The following VSTM4 variants were observed in gnomAD, a reference collection of about 807,000 sequenced individuals.
VSTM4 encodes V-set and transmembrane domain-containing protein 4.
In VSTM4, 20 loss-of-function variants were observed where a neutral mutation model predicts 36.4. That is an observed-to-expected ratio of 0.55 (90% CI 0.39 to 0.80). The LOEUF (loss-of-function observed/expected upper bound fraction) is 0.80. VSTM4 is among the 30% of genes least tolerant of loss of function. VSTM4 has a pLI of 0.00. For synonymous variants in VSTM4, 182 were observed against 173.9 expected (o/e 1.05, Z -0.37); for missense variants, 392 against 404.5 (o/e 0.97, Z 0.26).
At chr10:49,100,590 A>C (rs1844649090) in intron 2 of VSTM4, among the ~76,000 whole-genome samples, 3 of 152,186 alleles carry the variant, frequency 2.0e-5, no homozygotes, top group African/African-American at 7.2e-5. Context: ...TTTAAAAAAA[A>C]AACCCTGACT....
At chr10:49,070,252 CAA>C (rs780515012) in intron 4 of VSTM4, among the ~76,000 whole-genome samples, 322 of 21,672 alleles carry the variant, frequency 0.015, 10 homozygotes, top group African/African-American at 0.069. Flanking sequence ...GACTCCGTCT[CAA>C]AAAAAAAAAA....
At position 49,030,366 on chromosome 10, in the gene VSTM4, G is replaced by A. The variant is rs574807748; in HGVS notation, c.838-10591C>T. Among the ~76,000 whole-genome samples, 34 of 152,206 alleles carry A rather than the reference G, an allele frequency of 2.2e-4. No homozygotes were observed. The East Asian group carries it at 6.2e-3, about 28-fold the overall frequency. On this transcript the variant is annotated intron_variant, in intron 7 of 7. Coordinates refer to ENST00000332853, the MANE Select transcript of VSTM4 (RefSeq NM_001031746.5). ...TGACTTAGGTGTGCCTTGACCCAGG[G>A]TCCAGAGACACATGGGGCCTAGGCA... is the stretch of plus-strand genomic sequence containing the variant.
intron 2 of VSTM4, chr10:49,102,548 G>A (rs1444698786): frequency 2.0e-6 from 2 of 985,328 alleles, no homozygotes; most frequent in Non-Finnish European, 2.4e-6. Context: ...GCTACAAGAT[G>A]TTGCCAGTGG....
At chr10:49,114,338 T>A (rs1844950013) in intron 1 of VSTM4, among the ~76,000 whole-genome samples, 1 of 152,208 alleles carries the variant, frequency 6.6e-6, no homozygotes, top group Admixed American at 6.5e-5. Context: ...GGTAGCCAGA[T>A]CACTCTTGGA....
chr10:49,095,170 G>A (rs1170175156), intron 2 of VSTM4, among the ~76,000 whole-genome samples: 2 of 152,140 alleles, frequency 1.3e-5, no homozygotes, highest in East Asian at 3.9e-4. Flanking sequence ...CTATCTTTAT[G>A]TCCCCAATGA....
At chr10:49,020,364 G>C (rs1271997928) in intron 7 of VSTM4, among the ~76,000 whole-genome samples, 1 of 151,828 alleles carries the variant, frequency 6.6e-6, no homozygotes, top group Non-Finnish European at 1.5e-5. Context: ...TCCAACTCAA[G>C]CAGTTAGAAA....
intron 7 of VSTM4, among the ~76,000 whole-genome samples, chr10:49,038,615 C>T (rs894702979): frequency 9.2e-5 from 14 of 152,130 alleles, no homozygotes; most frequent in Non-Finnish European, 1.5e-4. Context: ...TATTTTACCA[C>T]GATTTAGCTT....
intron 7 of VSTM4, among the ~76,000 whole-genome samples, chr10:49,044,258 G>A (rs991385430): frequency 6.6e-6 from 1 of 152,086 alleles, no homozygotes; most frequent in East Asian, 1.9e-4. Context: ...AACCAGGGAG[G>A]TGGAGGCTGC....
chr10:49,037,630 G>A (rs747951300), intron 7 of VSTM4, among the ~76,000 whole-genome samples: 21 of 152,142 alleles, frequency 1.4e-4, no homozygotes, highest in South Asian at 6.2e-4. Flanking sequence ...TAAAGCTTCT[G>A]GGAATCAAGG....
intron 5 of VSTM4, among the ~76,000 whole-genome samples, chr10:49,057,764 C>T (rs1228415151): frequency 6.6e-6 from 1 of 152,168 alleles, no homozygotes; most frequent in African/African-American, 2.4e-5. Flanking sequence ...CCATCCTCAC[C>T]ACCTTGCTTG....
intron 7 of VSTM4, among the ~76,000 whole-genome samples, chr10:49,023,164 T>C (rs906382141): frequency 6.6e-6 from 1 of 152,232 alleles, no homozygotes; most frequent in Non-Finnish European, 1.5e-5. Context: ...AATAATTTGA[T>C]TGAAGATACG....
chr10:49,046,252 AG>A (rs1661914418), intron 7 of VSTM4, among the ~76,000 whole-genome samples: 1 of 152,216 alleles, frequency 6.6e-6, no homozygotes, highest in Admixed American at 6.5e-5. Flanking sequence ...AAAACCTCAG[AG>A]AGTACCAAAT....
chr10:49,048,537 G>T lies in VSTM4; in HGVS notation c.716C>A (p.Pro239His). Residue 239 changes from proline to histidine, a missense_variant, in exon 6 of 8, where the codon CCC (proline) becomes CAC (histidine). Physicochemically the swap from Pro to His is moderately conservative, Grantham distance 77. Coordinates refer to ENST00000332853, the MANE Select transcript of VSTM4 (RefSeq NM_001031746.5). ...CTCCTTCTGCCTCTTGCCCTTCTTG[G>T]GCTGTAGTGGGGCCAAGCTGGTCAC... ...TSVTSLAPLQ[P>H]KKGKRQKEKP... 1 of 1,598,658 alleles carries T rather than the reference G, an allele frequency of 6.3e-7. No individual in the cohort carries two copies. The highest frequency in any genetic ancestry group is 2.3e-5 in the East Asian group (1 of 43,788).
intron 4 of VSTM4, among the ~76,000 whole-genome samples, chr10:49,068,680 A>G (rs1470103622): frequency 6.6e-6 from 1 of 152,192 alleles, no homozygotes; most frequent in Non-Finnish European, 1.5e-5. Flanking sequence ...AAGTGTGCCA[A>G]CCCAGATTAG....
intron 2 of VSTM4, among the ~76,000 whole-genome samples, chr10:49,095,107 G>A (rs139700105): frequency 1.1e-3 from 168 of 152,256 alleles, no homozygotes; most frequent in African/African-American, 3.6e-3. Flanking sequence ...ATGGCAAGGC[G>A]GTCGGAAAAG....
rs1844816246 is a variant in VSTM4 at position 49,107,844 on chromosome 10, G to C, written c.207C>G (p.Asp69Glu). 6.2e-7 allele frequency: 1 copy of C among 1,614,130 alleles called. No individual in the cohort carries two copies. Among genetic ancestry groups the C allele is most frequent in the South Asian group, 1.1e-5 (1 of 91,090 alleles). Residue 69 changes from aspartate (D) to glutamate (E), a missense_variant, in exon 2 of 8, where the codon GAC (aspartate) becomes GAG (glutamate). Transcript: ENST00000332853. The stretch of plus-strand genomic sequence containing the variant: ...TCTTCACCATCAAGGCCTCCTGGGA[G>C]TCGAAGGAGTGTGCAAAGAACCAGC... ...AVRWFFAHSF[D>E]SQEALMVKMT...
chr10:49,079,768 C>T (rs1431920629), intron 3 of VSTM4, among the ~76,000 whole-genome samples: 4 of 151,640 alleles, frequency 2.6e-5, no homozygotes, highest in African/African-American at 7.3e-5. Flanking sequence ...AGTTCTGCAC[C>T]GAGTTGTATT....
chr10:49,085,479 T>A (rs1844353699), intron 3 of VSTM4, among the ~76,000 whole-genome samples: 1 of 152,220 alleles, frequency 6.6e-6, no homozygotes, highest in Non-Finnish European at 1.5e-5. Context: ...GAGGTACTTA[T>A]CATTTTTATA....
At chr10:49,026,974 G>A (rs892039217) in intron 7 of VSTM4, among the ~76,000 whole-genome samples, 1 of 152,130 alleles carries the variant, frequency 6.6e-6, no homozygotes, top group African/African-American at 2.4e-5. Flanking sequence ...GGGAGTACAG[G>A]TTTCTGTTTA....
Sources: allele counts gnomAD v4.1 joint callset (sites outside exome capture counted in the v4.1 genomes callset), GRCh38; gene constraint gnomAD v4.1.1; transcripts MANE v1.5; gene names NCBI Gene and HGNC (gene_info 2026-07-23, HGNC 2026-07-21).